The following ERC2 variants were observed in gnomAD, a reference collection of about 807,000 sequenced individuals.
The protein encoded by ERC2 is ERC protein 2.
In ERC2, 42 loss-of-function variants were observed where a neutral mutation model predicts 114.8. The ratio of observed to expected loss-of-function variants is 0.37; its 90% confidence interval spans 0.29 to 0.47. The LOEUF is 0.47. Among genes scored for constraint, ERC2 ranks in the 20% least tolerant of loss-of-function variants. The pLI is 0.99. For synonymous variants in ERC2, 454 were observed against 425.5 expected (o/e 1.07, Z -0.82); for missense variants, 939 against 1,150.7 (o/e 0.82, Z 2.66).
intron 16 of ERC2, among the ~76,000 whole-genome samples, chr3:55,685,314 T>C (rs1364363760): frequency 6.6e-6 from 1 of 152,210 alleles, no homozygotes; most frequent in East Asian, 1.9e-4. Context: ...GAATTTTCAC[T>C]TGACAGCTTA....
At chr3:55,531,562 C>T (rs894726516) in intron 17 of ERC2, among the ~76,000 whole-genome samples, 3 of 152,136 alleles carry the variant, frequency 2.0e-5, no homozygotes, top group Admixed American at 6.5e-5. Flanking sequence ...GAGAAGTCCC[C>T]AAAGATTCCT....
intron 2 of ERC2, among the ~76,000 whole-genome samples, chr3:56,331,096 C>T (rs1489337745): frequency 6.6e-6 from 1 of 152,168 alleles, no homozygotes; most frequent in Non-Finnish European, 1.5e-5. Flanking sequence ...TTTAGTTAGG[C>T]TCCTGTAGAC....
chr3:56,219,970 A>G (rs1183694751), intron 3 of ERC2, among the ~76,000 whole-genome samples: 1 of 151,964 alleles, frequency 6.6e-6, no homozygotes, highest in African/African-American at 2.4e-5. Flanking sequence ...AAAATTGCGG[A>G]AAGTGCATTG....
intron 7 of ERC2, among the ~76,000 whole-genome samples, chr3:56,036,080 G>A (rs2074781603): frequency 6.6e-6 from 1 of 152,070 alleles, no homozygotes; most frequent in Admixed American, 6.6e-5. Flanking sequence ...AATGGGCTAT[G>A]CCACATTAAT....
chr3:56,126,876 G>A (rs2079907763), intron 6 of ERC2, among the ~76,000 whole-genome samples: 1 of 152,046 alleles, frequency 6.6e-6, no homozygotes, highest in Non-Finnish European at 1.5e-5. Context: ...GCAAGGCAAG[G>A]CAAGGCAAGA....
chr3:56,317,010 A>T (rs963509110), intron 2 of ERC2, among the ~76,000 whole-genome samples: 2 of 152,232 alleles, frequency 1.3e-5, no homozygotes, highest in African/African-American at 4.8e-5. Context: ...ATGCTAAGGC[A>T]TGGGGATTCA....
chr3:55,645,558 A>G (rs2060358843), intron 17 of ERC2, among the ~76,000 whole-genome samples: 1 of 152,166 alleles, frequency 6.6e-6, no homozygotes, highest in Admixed American at 6.5e-5. Context: ...AAAGCCTTGC[A>G]TCTTTTGAAA....
chr3:55,908,626 C>G (rs1482403917), intron 13 of ERC2, among the ~76,000 whole-genome samples: 1 of 152,084 alleles, frequency 6.6e-6, no homozygotes, highest in Non-Finnish European at 1.5e-5. Flanking sequence ...GGCAGCTGGC[C>G]GGTCACTCTC....
intron 4 of ERC2, among the ~76,000 whole-genome samples, chr3:56,154,004 C>T (rs995623009): frequency 2.0e-5 from 3 of 152,152 alleles, no homozygotes; most frequent in African/African-American, 7.2e-5. Context: ...AATTATATTA[C>T]ACTTTATTTA....
chr3:56,372,542 A>G (rs1230654184), intron 2 of ERC2, among the ~76,000 whole-genome samples: 4 of 152,138 alleles, frequency 2.6e-5, no homozygotes, highest in Non-Finnish European at 5.9e-5. Flanking sequence ...AGCTTGGGCA[A>G]CATGGCAAAA....
intron 14 of ERC2, among the ~76,000 whole-genome samples, chr3:55,868,770 T>C (rs1323033364): frequency 6.6e-6 from 1 of 152,218 alleles, no homozygotes; most frequent in Non-Finnish European, 1.5e-5. Context: ...TTCCTAAGGT[T>C]TTATATTCTT....
intron 2 of ERC2, among the ~76,000 whole-genome samples, chr3:56,415,797 A>C (rs2061128243): frequency 6.6e-6 from 1 of 152,180 alleles, no homozygotes; most frequent in Non-Finnish European, 1.5e-5. Flanking sequence ...ATCCCATTGC[A>C]AGCAAATCAC....
At chr3:55,555,164 G>T (rs947268712) in intron 17 of ERC2, among the ~76,000 whole-genome samples, 1 of 152,280 alleles carries the variant, frequency 6.6e-6, no homozygotes, top group African/African-American at 2.4e-5. Flanking sequence ...AAGGGCATTT[G>T]TTTCTAATTA....
chr3:55,773,157 A>G (rs1357779776), intron 14 of ERC2, among the ~76,000 whole-genome samples: 2 of 152,186 alleles, frequency 1.3e-5, no homozygotes, highest in Non-Finnish European at 1.5e-5. Flanking sequence ...AAGTCATCCC[A>G]ATGGCTATCA....
At chr3:55,652,051 G>A (rs1255220167) in intron 17 of ERC2, among the ~76,000 whole-genome samples, 1 of 152,206 alleles carries the variant, frequency 6.6e-6, no homozygotes, top group Non-Finnish European at 1.5e-5. Context: ...TGAGGAGCGG[G>A]ATAAGCCATT....
chr3:56,329,320 T>C (rs1012246567), intron 2 of ERC2, among the ~76,000 whole-genome samples: 10 of 152,196 alleles, frequency 6.6e-5, no homozygotes, highest in African/African-American at 2.4e-4. Context: ...ATTTTGTTTC[T>C]CAATTTTTAA....
chr3:55,869,889 A>T (rs2062501155), intron 14 of ERC2, among the ~76,000 whole-genome samples: 2 of 152,166 alleles, frequency 1.3e-5, no homozygotes, highest in Admixed American at 1.3e-4. Context: ...GGGGGAACCG[A>T]CACTTTCACA....
Position 56,013,609 on chromosome 3 carries a change from G to C in ERC2, c.1780-3020C>G, listed in dbSNP as rs554724581. On this transcript the variant is annotated intron_variant, in intron 8 of 17. Coordinates refer to ENST00000288221, the MANE Select transcript of ERC2 (RefSeq NM_015576.3). Reference sequence around the variant, plus strand: ...TTAGCATGTGCCATGATTAATTAATGATGTCTCTCTAGGCCCAGAAATGGG... The same window carrying C: ...TTAGCATGTGCCATGATTAATTAATCATGTCTCTCTAGGCCCAGAAATGGG... 1.5e-3 allele frequency among the ~76,000 whole-genome samples: 229 copies of C among 152,294 alleles called. 4 individuals are homozygous for C. Among genetic ancestry groups the C allele is most frequent in the Non-Finnish European group, 4.3e-4 (29 of 68,014 alleles).
intron 17 of ERC2, among the ~76,000 whole-genome samples, chr3:55,682,601 T>C (rs948399121): frequency 2.3e-4 from 35 of 152,306 alleles, no homozygotes; most frequent in Non-Finnish European, 4.9e-4. Flanking sequence ...AAACTTCACC[T>C]GAAGCACTAC....
Sources: allele counts gnomAD v4.1 joint callset (sites outside exome capture counted in the v4.1 genomes callset), GRCh38; gene constraint gnomAD v4.1.1; transcripts MANE v1.5; gene names NCBI Gene and HGNC (gene_info 2026-07-23, HGNC 2026-07-21).